FBXO36: variants seen among roughly 807,000 people sequenced by gnomAD.
FBXO36 encodes the protein F-box only protein 36.
Under a neutral mutation model 17.0 loss-of-function variants are expected in FBXO36, and 18 were observed. The observed-to-expected ratio is 1.06, with a 90% CI of 0.73 to 1.57. The LOEUF (loss-of-function observed/expected upper bound fraction) is 1.57, where lower values mean the gene tolerates loss of function less well. Ranked by LOEUF, FBXO36 falls within the 40% of genes most tolerant of loss-of-function variation. The probability of loss-of-function intolerance (pLI) is 0.00; values close to 1 mark genes in which losing one functional copy is unlikely to be tolerated. For missense variants in FBXO36, 229 were observed against 221.9 expected (o/e 1.03, Z -0.20); for synonymous variants, 83 against 85.3 (o/e 0.97, Z 0.15).
chr2:229,953,281 G>A (rs1295487238), intron 1 of FBXO36, among the ~76,000 whole-genome samples: 4 of 152,260 alleles, frequency 2.6e-5, no homozygotes, highest in African/African-American at 9.6e-5. Context: ...GGAGGTTGCA[G>A]TGAGCGGAGA....
chr2:229,979,325 C>T (rs973121730), intron 2 of FBXO36, among the ~76,000 whole-genome samples: 1 of 151,016 alleles, frequency 6.6e-6, no homozygotes, highest in Non-Finnish European at 1.5e-5. Context: ...TGGCAAGACT[C>T]CATATAAATA....
intron 1 of FBXO36, among the ~76,000 whole-genome samples, chr2:229,925,107 ATTAT>A (rs563557892): frequency 5.2e-4 from 79 of 150,944 alleles, no homozygotes; most frequent in African/African-American, 1.3e-3. Flanking sequence ...CTTTATTTTT[ATTAT>A]TTATTTATTT....
intron 1 of FBXO36, among the ~76,000 whole-genome samples, chr2:229,930,237 G>A (rs370802277): frequency 2.0e-5 from 3 of 151,928 alleles, no homozygotes; most frequent in East Asian, 1.9e-4. Context: ...TCCCAGCTAC[G>A]CAGGAGGCTG....
chr2:229,984,356 CA>C (rs575731960), intron 2 of FBXO36, among the ~76,000 whole-genome samples: 1 of 150,078 alleles, frequency 6.7e-6, no homozygotes, highest in African/African-American at 2.4e-5. Context: ...CAAAAACAAA[CA>C]AAAAAAATCA....
chr2:229,996,425 A>G (rs1032214038), intron 2 of FBXO36, among the ~76,000 whole-genome samples: 1 of 152,174 alleles, frequency 6.6e-6, no homozygotes, highest in Non-Finnish European at 1.5e-5. Context: ...GGCCATGAGT[A>G]CAATGGTAAT....
At chr2:229,968,927 C>G (rs1352969384) in intron 1 of FBXO36, among the ~76,000 whole-genome samples, 2 of 151,982 alleles carry the variant, frequency 1.3e-5, no homozygotes, top group African/African-American at 4.8e-5. Flanking sequence ...GCGTGCACCA[C>G]CACATCTGGC....
intron 1 of FBXO36, chr2:229,939,276 A>G (rs2076984485): frequency 1.0e-6 from 1 of 985,046 alleles, no homozygotes; most frequent in African/African-American, 1.7e-5. Context: ...GAGGTAAGAT[A>G]TACAATTTTT....
chr2:229,997,157 G>A (rs1252681517), intron 3 of FBXO36, among the ~76,000 whole-genome samples: 1 of 151,932 alleles, frequency 6.6e-6, no homozygotes, highest in Non-Finnish European at 1.5e-5. Context: ...CAAGGGATGT[G>A]TATGCAAGGT....
In FBXO36 at chr2:229,979,733, C is replaced by G. The variant is rs890094971; in HGVS notation, c.205+3384C>G. ...AGGCGGAGTTAAAAAAAAAAAAAGT[C>G]TGCTGGATTGAGTGGTTCACTGTCT... On this transcript the variant is annotated intron_variant, in intron 2 of 3. Transcript: ENST00000283946. Among the ~76,000 whole-genome samples, 58 of 151,636 alleles carry G rather than the reference C, an allele frequency of 3.8e-4. 1 individual carries two copies. The highest frequency in any genetic ancestry group is 8.2e-4 in the Non-Finnish European group (56 of 67,908).
chr2:229,965,031 T>C (rs2077143826), intron 1 of FBXO36, among the ~76,000 whole-genome samples: 1 of 152,212 alleles, frequency 6.6e-6, no homozygotes, highest in Non-Finnish European at 1.5e-5. Flanking sequence ...CTTTCTTTGA[T>C]TGTTTCTGGA....
At chr2:229,943,026 G>C (rs569895454) in intron 1 of FBXO36, 14 of 152,358 alleles carry the variant, frequency 9.2e-5, no homozygotes, top group African/African-American at 3.1e-4. Context: ...GTAATGCAGA[G>C]ATGGGTCCAC....
intron 2 of FBXO36, among the ~76,000 whole-genome samples, chr2:229,995,724 C>T (rs1245860189): frequency 1.3e-5 from 2 of 151,466 alleles, no homozygotes; most frequent in Non-Finnish European, 2.9e-5. Context: ...TCCCGAGTAG[C>T]TGGGATTACA....
intron 1 of FBXO36, among the ~76,000 whole-genome samples, chr2:229,973,084 T>C (rs2077189309): frequency 1.4e-5 from 2 of 140,604 alleles, no homozygotes; most frequent in African/African-American, 5.2e-5. Context: ...AAAAAGATAT[T>C]GTGTACCTTG....
At chr2:229,938,945 G>C (rs1270557426) in intron 1 of FBXO36, among the ~76,000 whole-genome samples, 1 of 149,664 alleles carries the variant, frequency 6.7e-6, no homozygotes, top group Admixed American at 6.7e-5. Flanking sequence ...GCTAATTTTT[G>C]TATTTTTTGT....
chr2:229,929,947 A>G (rs950440125), intron 1 of FBXO36, among the ~76,000 whole-genome samples: 10 of 152,268 alleles, frequency 6.6e-5, no homozygotes, highest in African/African-American at 2.4e-4. Context: ...GTTTCCACAC[A>G]GAAAGAACTA....
rs2076785731 is a variant in FBXO36, at chr2:229,922,753, G to C, written c.96+144G>C. The C allele has an allele frequency of 6.3e-6, 5 of 790,092 alleles. No individual in the cohort carries two copies. The East Asian group carries it at 8.4e-5, about 13-fold the overall frequency. 48.9% of individuals were successfully genotyped at this position (790,092 alleles called of 1,614,324 possible). ...GGCTCCGCGCCGGGAGATTTTCCTC[G>C]TCACCTCGGCCTCCTCGGTCCGACG... is the stretch of plus-strand genomic sequence containing the variant. On this transcript the variant is annotated intron_variant, in intron 1 of 3. Coordinates refer to ENST00000283946, the MANE Select transcript of FBXO36 (RefSeq NM_174899.5).
At chr2:229,981,287 G>A (rs1429776538) in intron 2 of FBXO36, among the ~76,000 whole-genome samples, 2 of 152,074 alleles carry the variant, frequency 1.3e-5, no homozygotes, top group Non-Finnish European at 2.9e-5. Context: ...CCAGAAGTTT[G>A]AGACCAGCCT....
chr2:229,945,314 G>T (rs567821349), intron 1 of FBXO36, among the ~76,000 whole-genome samples: 14 of 151,130 alleles, frequency 9.3e-5, no homozygotes, highest in Non-Finnish European at 2.1e-4. Flanking sequence ...TTGTTTGTTT[G>T]TTCTTTGTTT....
At chr2:229,929,862 AAAAG>A (rs1162790720) in intron 1 of FBXO36, among the ~76,000 whole-genome samples, 2 of 152,200 alleles carry the variant, frequency 1.3e-5, no homozygotes, top group African/African-American at 2.4e-5. Context: ...TTGTCTCAAA[AAAAG>A]AAAGAATATT....
Sources: gnomAD v4.1 joint callset for allele counts (sites outside exome capture counted in the v4.1 genomes callset) on GRCh38, gnomAD v4.1.1 for gene constraint, MANE v1.5 for transcripts, NCBI Gene and HGNC (gene_info 2026-07-23, HGNC 2026-07-21) for gene names.